The following KAT6B variants were observed in gnomAD, a reference collection of about 807,000 sequenced individuals.
KAT6B encodes the protein lysine acetyltransferase 6B.
Under a neutral mutation model 187.5 loss-of-function variants are expected in KAT6B, and 10 were observed. That is an observed-to-expected ratio of 0.05 (90% CI 0.03 to 0.09). The LOEUF (loss-of-function observed/expected upper bound fraction) is 0.09. Ranked by LOEUF, KAT6B falls within the 10% of genes least tolerant of loss-of-function variation. The pLI is 1.00. For synonymous variants in KAT6B, 861 were observed against 926.8 expected (o/e 0.93, Z 1.29); for missense variants, 1,952 against 2,558.9 (o/e 0.76, Z 5.12).
intron 3 of KAT6B, among the ~76,000 whole-genome samples, chr10:74,871,386 T>G (rs1011775921): frequency 1.3e-5 from 2 of 151,736 alleles, no homozygotes; most frequent in Non-Finnish European, 2.9e-5. Context: ...AGAGATGGGG[T>G]TTCACCATGT....
At chr10:74,863,932 C>T (rs183041659) in intron 3 of KAT6B, among the ~76,000 whole-genome samples, 2 of 152,158 alleles carry the variant, frequency 1.3e-5, no homozygotes, top group African/African-American at 4.8e-5. Flanking sequence ...AAAGGTCCCT[C>T]ATACACATAC....
At chr10:74,948,679 C>G (rs1362149790) in intron 3 of KAT6B, among the ~76,000 whole-genome samples, 1 of 152,218 alleles carries the variant, frequency 6.6e-6, no homozygotes, top group East Asian at 1.9e-4. Flanking sequence ...CTCCTAGCTG[C>G]CTCTAGCTGA....
chr10:74,903,915 A>G (rs1846571811), intron 3 of KAT6B, among the ~76,000 whole-genome samples: 1 of 152,210 alleles, frequency 6.6e-6, no homozygotes, highest in African/African-American at 2.4e-5. Flanking sequence ...GGAGGCCAGC[A>G]TATTTATTTG....
chr10:74,979,871 A>C (rs569311064), intron 10 of KAT6B, among the ~76,000 whole-genome samples: 24 of 152,180 alleles, frequency 1.6e-4, no homozygotes, highest in Non-Finnish European at 3.1e-4. Flanking sequence ...GTGACTTTGA[A>C]GAGAAGGCCA....
At chr10:75,021,437 A>G (rs899038579) in intron 15 of KAT6B, 152 bp downstream of exon 15, 5 of 700,582 alleles carry the variant, frequency 7.1e-6, no homozygotes, top group Non-Finnish European at 1.2e-5. Context: ...CTGAGGTTGC[A>G]TGGTAAGACA....
intron 13 of KAT6B, among the ~76,000 whole-genome samples, chr10:74,992,921 G>A (rs922234753): frequency 1.3e-5 from 2 of 152,160 alleles, no homozygotes; most frequent in African/African-American, 2.4e-5. Context: ...AATGGGTGGA[G>A]GAGAGAGTGA....
At chr10:74,942,566 G>A (rs1419713496) in intron 3 of KAT6B, among the ~76,000 whole-genome samples, 1 of 151,856 alleles carries the variant, frequency 6.6e-6, no homozygotes, top group African/African-American at 2.4e-5. Flanking sequence ...AGGAGTTCGA[G>A]ACCAGCCTGA....
chr10:75,022,188 C>T lies in KAT6B; in HGVS notation c.3329C>T (p.Pro1110Leu), dbSNP rs1589825701. 7 of 1,613,274 alleles carry T rather than the reference C, an allele frequency of 4.3e-6. No homozygotes were observed. Residue 1110 changes from proline to leucine, a missense_variant, in exon 16 of 18, where the codon CCC (proline) becomes CTC (leucine). Physicochemically the swap from Pro to Leu is moderately conservative, Grantham distance 98. Transcript: ENST00000287239. ...GAAGAAGAAAATATTCAAAGCTCTC[C>T]CCCAAGATTGACGAAACCACAGTCA... The part of the protein sequence containing the change: ...EEEEENIQSS[P>L]PRLTKPQSVA...
chr10:74,858,343 G>A (rs1390344851), intron 3 of KAT6B, among the ~76,000 whole-genome samples: 3 of 149,230 alleles, frequency 2.0e-5, no homozygotes, highest in African/African-American at 2.5e-5. Flanking sequence ...GGAATGCAGC[G>A]GTGTGATCAT....
chr10:75,020,886 C>T (rs950554440), intron 14 of KAT6B, 73 bp downstream of exon 14: 6 of 1,254,102 alleles, frequency 4.8e-6, no homozygotes, highest in Non-Finnish European at 5.8e-6. Flanking sequence ...GAGATAGGTG[C>T]ATTCATTCCA....
Position 74,932,661 on chromosome 10 carries a change from A to G in KAT6B, c.622-27309A>G, listed in dbSNP as rs565496871. ...GAGGGAATGGGGGGCCAAGCATGGT[A>G]TCATCTGCTACCCAGTGAGAAAAAT... On this transcript the variant is annotated intron_variant, in intron 3 of 17. Transcript: ENST00000287239. Among the ~76,000 whole-genome samples, 117 of 152,326 alleles carry G rather than the reference A, an allele frequency of 7.7e-4. 2 individuals are homozygous for G. The highest frequency in any genetic ancestry group is 2.7e-3 in the African/African-American group (113 of 41,566).
At position 75,029,355 on chromosome 10, in the gene KAT6B, C is replaced by A. The variant is rs1564631713; in HGVS notation, c.4531C>A (p.Gln1511Lys). ...ESDEEPPPGE[Q>K]AQKQDQKNSK... ...TGACGAGGAGCCACCCCCAGGAGAACAGGCACAGAAGCAGGACCAAAAGAA... is the reference window on the plus strand; with the variant it reads ...TGACGAGGAGCCACCCCCAGGAGAAAAGGCACAGAAGCAGGACCAAAAGAA... The change falls in exon 18 of 18, where the codon CAG becomes AAG. Residue 1511 changes from glutamine to lysine, a missense_variant. Physicochemically the swap from Gln to Lys is moderately conservative, Grantham distance 53. Around this residue, in one of 9 missense-constraint regions of KAT6B, gnomAD observed 758 missense variants for 891.4 expected, o/e 0.85. Coordinates refer to ENST00000287239, the MANE Select transcript of KAT6B (RefSeq NM_012330.4). The surrounding 1 kb of genome is among the most constrained non-coding windows in gnomAD (Gnocchi z 6.2). 1 of 1,614,094 alleles carries A rather than the reference C, an allele frequency of 6.2e-7. No individual in the cohort carries two copies. Among genetic ancestry groups the A allele is most frequent in the East Asian group, 2.2e-5 (1 of 44,868 alleles).
intron 2 of KAT6B, among the ~76,000 whole-genome samples, chr10:74,839,272 C>G (rs1353669401): frequency 6.7e-6 from 1 of 149,300 alleles, no homozygotes; most frequent in Non-Finnish European, 1.5e-5. Flanking sequence ...CTCTTGTTGC[C>G]GAGGCTGGAG....
intron 12 of KAT6B, among the ~76,000 whole-genome samples, chr10:74,986,837 G>C (rs78582298): frequency 6.6e-6 from 1 of 152,308 alleles, no homozygotes; most frequent in East Asian, 1.9e-4. Flanking sequence ...TTCATTGTCT[G>C]TGGATTTAAA....
chr10:74,955,297 G>A (rs1469284371), intron 3 of KAT6B, among the ~76,000 whole-genome samples: 2 of 151,504 alleles, frequency 1.3e-5, no homozygotes, highest in Non-Finnish European at 2.9e-5. Context: ...TTGAATCCAC[G>A]GATATTAATC....
At chr10:75,026,619 A>G (rs1401276736) in intron 17 of KAT6B, among the ~76,000 whole-genome samples, 1 of 151,660 alleles carries the variant, frequency 6.6e-6, no homozygotes, top group Non-Finnish European at 1.5e-5. Flanking sequence ...ACCAAGCCTT[A>G]TTCTTTGGGT....
intron 3 of KAT6B, among the ~76,000 whole-genome samples, chr10:74,951,493 G>A (rs567457717): frequency 6.6e-6 from 1 of 151,928 alleles, no homozygotes; most frequent in Admixed American, 6.6e-5. Context: ...GAAATAGCGG[G>A]ACTGGGGAGG....
intron 3 of KAT6B, among the ~76,000 whole-genome samples, chr10:74,937,059 A>G (rs1329644579): frequency 5.9e-5 from 9 of 152,222 alleles, no homozygotes. Context: ...AGTTATATTC[A>G]TGATTAATTG....
chr10:75,008,707 A>G (rs1844390871), intron 13 of KAT6B, among the ~76,000 whole-genome samples: 1 of 152,252 alleles, frequency 6.6e-6, no homozygotes, highest in African/African-American at 2.4e-5. Context: ...GAGAGGAAAT[A>G]AAATGAATGA....
Sources: allele counts gnomAD v4.1 joint callset (sites outside exome capture counted in the v4.1 genomes callset), GRCh38; gene constraint gnomAD v4.1.1; regional missense constraint gnomAD v4.1.1; non-coding constraint Gnocchi (gnomAD v3.1); transcripts MANE v1.5; gene names NCBI Gene and HGNC (gene_info 2026-07-23, HGNC 2026-07-21).